The following KHDRBS2 variants were observed in gnomAD, a reference collection of about 807,000 sequenced individuals.
The protein encoded by KHDRBS2 is KH RNA binding domain containing, signal transduction associated 2, also known as KH domain-containing, RNA-binding, signal transduction-associated protein 2.
Under a neutral mutation model 44.3 loss-of-function variants are expected in KHDRBS2, and 26 were observed. The ratio of observed to expected loss-of-function variants is 0.59; its 90% CI spans 0.43 to 0.81. The LOEUF is 0.81. Among genes scored for constraint, KHDRBS2 ranks in the 40% least tolerant of loss-of-function variants. The probability of loss-of-function intolerance (pLI) is 0.00; values close to 1 mark genes in which losing one functional copy is unlikely to be tolerated. For missense variants in KHDRBS2, 476 were observed against 433.1 expected (o/e 1.10, Z -0.88); for synonymous variants, 194 against 151.1 (o/e 1.28, Z -2.08).
chr6:61,724,984 C>T (rs1773318829), intron 7 of KHDRBS2, among the ~76,000 whole-genome samples: 1 of 152,096 alleles, frequency 6.6e-6, no homozygotes, highest in Admixed American at 6.6e-5. Flanking sequence ...ACAGAAATCT[C>T]CACCCCAAAA....
At chr6:61,572,733 A>T in the KHDRBS2 span, among the ~76,000 whole-genome samples, 4 of 152,222 alleles carry the variant, frequency 2.6e-5, no homozygotes, top group African/African-American at 4.8e-5. Flanking sequence ...GATCATTTTA[A>T]TAGATACAGA....
Position 61,951,627 on chromosome 6 carries a change from A to C in KHDRBS2, c.483+26439T>G, listed in dbSNP as rs570889478. On this transcript the variant is annotated intron_variant, in intron 4 of 8. Transcript: ENST00000281156. ...CAGTTCCTTTAAATCTATTAGACAC[A>C]CAGTAAAGGTACTTTAACGAATTCA... 2.6e-5 allele frequency among the ~76,000 whole-genome samples: 4 copies of C among 152,166 alleles called. No individual in the cohort carries two copies. In the South Asian group the frequency reaches 8.3e-4, roughly 32 times the overall value.
the KHDRBS2 span, among the ~76,000 whole-genome samples, chr6:61,598,987 G>T: frequency 6.6e-6 from 1 of 151,902 alleles, no homozygotes; most frequent in Non-Finnish European, 1.5e-5. Flanking sequence ...AGGCTGAAGT[G>T]CAATGGCGTG....
At chr6:62,266,621 AT>A (rs1450739106) in intron 1 of KHDRBS2, among the ~76,000 whole-genome samples, 2 of 151,922 alleles carry the variant, frequency 1.3e-5, no homozygotes, top group Admixed American at 6.6e-5. Context: ...ATTTCAAATG[AT>A]TTGTCTCAAA....
At chr6:62,101,516 G>A (rs1801900499) in intron 2 of KHDRBS2, among the ~76,000 whole-genome samples, 1 of 152,146 alleles carries the variant, frequency 6.6e-6, no homozygotes, top group Non-Finnish European at 1.5e-5. Flanking sequence ...GATGGTTTAG[G>A]TCACTGCAAT....
At chr6:62,118,390 A>G (rs209000) in intron 2 of KHDRBS2, among the ~76,000 whole-genome samples, 120,527 of 152,144 alleles carry the variant, frequency 0.79, 48,299 homozygotes, top group African/African-American at 0.91. Flanking sequence ...TCTTTGTGTC[A>G]TCATACAAAT....
intron 6 of KHDRBS2, among the ~76,000 whole-genome samples, chr6:61,774,301 G>A (rs578049011): frequency 7.9e-5 from 12 of 152,216 alleles, no homozygotes; most frequent in Non-Finnish European, 1.5e-4. Flanking sequence ...CCATCTGTTT[G>A]TATCCTCTTT....
intron 7 of KHDRBS2, among the ~76,000 whole-genome samples, chr6:61,720,978 G>T (rs892096361): frequency 2.0e-5 from 3 of 150,910 alleles, no homozygotes; most frequent in Admixed American, 1.3e-4. Context: ...AAGGGATCCA[G>T]TTTCAGCTTT....
intron 6 of KHDRBS2, among the ~76,000 whole-genome samples, chr6:61,834,570 T>C (rs1792355051): frequency 6.6e-6 from 1 of 152,036 alleles, no homozygotes; most frequent in African/African-American, 2.4e-5. Context: ...ATTTTTTACA[T>C]TTGTTCCTCT....
chr6:62,144,975 A>G (rs1813617694), intron 2 of KHDRBS2, among the ~76,000 whole-genome samples: 1 of 151,982 alleles, frequency 6.6e-6, no homozygotes, highest in Non-Finnish European at 1.5e-5. Flanking sequence ...TTGAATTTAT[A>G]TCTTTAAAAG....
chr6:62,159,897 G>A (rs969827534), intron 2 of KHDRBS2, among the ~76,000 whole-genome samples: 7 of 152,152 alleles, frequency 4.6e-5, no homozygotes. Flanking sequence ...TGAGGAAAAG[G>A]TTGAAGAGGT....
chr6:62,255,970 A>G (rs2150178237), intron 1 of KHDRBS2, among the ~76,000 whole-genome samples: 1 of 148,348 alleles, frequency 6.7e-6, no homozygotes, highest in East Asian at 2.0e-4. Context: ...TGTCTTTACT[A>G]AAAAAAAAAT....
chr6:61,560,002 T>C, the KHDRBS2 span, among the ~76,000 whole-genome samples: 3 of 152,214 alleles, frequency 2.0e-5, no homozygotes, highest in African/African-American at 7.2e-5. Flanking sequence ...ATGTGTGGTA[T>C]TAATAAAATC....
At chr6:62,108,415 T>G (rs557623787) in intron 2 of KHDRBS2, among the ~76,000 whole-genome samples, 204 of 152,244 alleles carry the variant, frequency 1.3e-3, no homozygotes, top group African/African-American at 4.6e-3. Flanking sequence ...TCACACCAGT[T>G]AGAATGGCGA....
At chr6:61,826,095 A>AT (rs894491609) in intron 6 of KHDRBS2, among the ~76,000 whole-genome samples, 1 of 152,042 alleles carries the variant, frequency 6.6e-6, no homozygotes, top group African/African-American at 2.4e-5. Flanking sequence ...CAAATATTTT[A>AT]TTTTTCCCCT....
At chr6:61,855,271 G>T (rs1795982396) in intron 6 of KHDRBS2, among the ~76,000 whole-genome samples, 1 of 151,984 alleles carries the variant, frequency 6.6e-6, no homozygotes, top group Non-Finnish European at 1.5e-5. Context: ...AAGATCATTT[G>T]ATTTTTGTAA....
At chr6:61,954,440 C>CATATATACGTATGTATGCATGCATAA (rs1562509937) in intron 4 of KHDRBS2, among the ~76,000 whole-genome samples, 28 of 137,872 alleles carry the variant, frequency 2.0e-4, no homozygotes, top group Admixed American at 3.7e-4. Flanking sequence ...TGCATGCATA[C>CATATATACGTATGTATGCATGCATAA]ATATATACGT....
At chr6:61,687,494 C>T (rs1766946651) in intron 8 of KHDRBS2, among the ~76,000 whole-genome samples, 2 of 151,774 alleles carry the variant, frequency 1.3e-5, no homozygotes, top group African/African-American at 4.8e-5. Context: ...CTTTCAGACC[C>T]ATAGGCTTCC....
chr6:61,580,020 G>A, the KHDRBS2 span, among the ~76,000 whole-genome samples: 6 of 152,134 alleles, frequency 3.9e-5, no homozygotes, highest in Admixed American at 6.6e-5. Context: ...TCAAGCCATC[G>A]CACTCCAGCC....
Sources: allele counts gnomAD v4.1 joint callset (sites outside exome capture counted in the v4.1 genomes callset), GRCh38; gene constraint gnomAD v4.1.1; transcripts MANE v1.5; gene names NCBI Gene and HGNC (gene_info 2026-07-23, HGNC 2026-07-21).